Variants in DRC11 observed in about 807,000 individuals in gnomAD.
The protein encoded by DRC11 is dynein regulatory complex subunit 11, also known as IQ and AAA domain-containing protein 1.
chr2:236,320,818 C>T, the DRC11 span, among the ~76,000 whole-genome samples: 1,711 of 130,658 alleles, frequency 0.013, 31 homozygotes, highest in African/African-American at 0.038. Context: ...CTCCCTCCGC[C>T]GGTCCCTCCG....
At chr2:236,506,396 C>T in the DRC11 span, among the ~76,000 whole-genome samples, 2 of 152,230 alleles carry the variant, frequency 1.3e-5, no homozygotes, top group Non-Finnish European at 2.9e-5. The surrounding 1 kb of genome is among the most constrained non-coding windows in gnomAD (Gnocchi z 4.9). Flanking sequence ...CACGTGATGT[C>T]CAATGGGCAC....
At chr2:236,368,455 T>C in the DRC11 span, 1 of 590,180 alleles carries the variant, frequency 1.7e-6, no homozygotes, top group South Asian at 2.0e-5. Flanking sequence ...GAACACATCT[T>C]TTCTCAGATA....
the DRC11 span, among the ~76,000 whole-genome samples, chr2:236,322,396 G>A: frequency 0.019 from 2,820 of 146,852 alleles, 99 homozygotes; most frequent in African/African-American, 0.068. Flanking sequence ...CACCCCACCC[G>A]GCTAATTCTT....
At chr2:236,392,753 C>T in the DRC11 span, among the ~76,000 whole-genome samples, 1 of 152,062 alleles carries the variant, frequency 6.6e-6, no homozygotes, top group Non-Finnish European at 1.5e-5. The surrounding 1 kb of genome is among the most constrained non-coding windows in gnomAD (Gnocchi z 5.1). Context: ...CACTAAAATA[C>T]GAAAGATTTT....
At chr2:236,498,450 C>A in the DRC11 span, among the ~76,000 whole-genome samples, 1 of 144,740 alleles carries the variant, frequency 6.9e-6, no homozygotes, top group African/African-American at 2.7e-5. Context: ...GGCAACAGAG[C>A]GAGACTGTCT....
the DRC11 span, among the ~76,000 whole-genome samples, chr2:236,388,670 T>A: frequency 1.9e-3 from 294 of 150,820 alleles, no homozygotes; most frequent in African/African-American, 7.0e-3. Flanking sequence ...CTCGTCAAAG[T>A]CATTCTCCAT....
the DRC11 span, among the ~76,000 whole-genome samples, chr2:236,466,328 G>A: frequency 3.3e-5 from 5 of 151,982 alleles, no homozygotes; most frequent in Non-Finnish European, 5.9e-5. Context: ...ACAACCTCTC[G>A]TTTTATAATA....
At chr2:236,449,254 G>A in the DRC11 span, among the ~76,000 whole-genome samples, 554 of 152,286 alleles carry the variant, frequency 3.6e-3, 3 homozygotes, top group African/African-American at 0.012. The surrounding 1 kb of genome is among the most constrained non-coding windows in gnomAD (Gnocchi z 5.1). Context: ...CATTCTGAGC[G>A]AGAGAACTGG....
At chr2:236,429,193 T>A in the DRC11 span, among the ~76,000 whole-genome samples, 2 of 152,128 alleles carry the variant, frequency 1.3e-5, no homozygotes, top group Admixed American at 6.6e-5. The surrounding 1 kb of genome is among the most constrained non-coding windows in gnomAD (Gnocchi z 5.9). Flanking sequence ...GCTCCGAATC[T>A]GGGGGAGCGT....
the DRC11 span, among the ~76,000 whole-genome samples, chr2:236,395,253 G>A: frequency 6.6e-6 from 1 of 152,168 alleles, no homozygotes; most frequent in East Asian, 1.9e-4. Context: ...GACGACAAGA[G>A]GGGAGAAGAG....
the DRC11 span, among the ~76,000 whole-genome samples, chr2:236,504,198 G>C: frequency 6.9e-6 from 1 of 145,094 alleles, no homozygotes; most frequent in Non-Finnish European, 1.5e-5. The surrounding 1 kb of genome is among the most constrained non-coding windows in gnomAD (Gnocchi z 5.0). Context: ...TTACACGGCG[G>C]TGGGGGGGGG....
At chr2:236,507,107 T>G in the DRC11 span, 1 of 731,118 alleles carries the variant, frequency 1.4e-6, no homozygotes, top group Admixed American at 2.5e-5. Context: ...TATTTGAATT[T>G]CCTAAAAGGA....
At chr2:236,399,424 T>G in the DRC11 span, 4 of 1,613,862 alleles carry the variant, frequency 2.5e-6, no homozygotes, top group Non-Finnish European at 3.4e-6. This position sits in a 1 kb window ranked among gnomAD's most constrained non-coding sequence, Gnocchi z 7.0. Context: ...TTTGTATGCG[T>G]TACATCCTTC....
the DRC11 span, among the ~76,000 whole-genome samples, chr2:236,419,561 CA>C: frequency 6.6e-6 from 1 of 152,134 alleles, no homozygotes; most frequent in South Asian, 2.1e-4. The surrounding 1 kb of genome is among the most constrained non-coding windows in gnomAD (Gnocchi z 4.8). Flanking sequence ...CTGGAGGTTC[CA>C]CAAACTCTAG....
At chr2:236,452,374 T>C in the DRC11 span, among the ~76,000 whole-genome samples, 1 of 152,228 alleles carries the variant, frequency 6.6e-6, no homozygotes, top group East Asian at 1.9e-4. This position sits in a 1 kb window ranked among gnomAD's most constrained non-coding sequence, Gnocchi z 4.7. Context: ...TTTATCTGTG[T>C]TTCATCAAGT....
the DRC11 span, among the ~76,000 whole-genome samples, chr2:236,467,648 T>G: frequency 6.6e-6 from 1 of 152,170 alleles, no homozygotes. Flanking sequence ...CCAGGAATAC[T>G]AGGGAGCTCT....
At chr2:236,424,107 C>T in the DRC11 span, among the ~76,000 whole-genome samples, 6 of 151,064 alleles carry the variant, frequency 4.0e-5, no homozygotes, top group African/African-American at 1.2e-4. Flanking sequence ...TGCTAGATGA[C>T]GAGTTAGTGG....
the DRC11 span, among the ~76,000 whole-genome samples, chr2:236,403,769 C>T: frequency 6.6e-6 from 1 of 152,068 alleles, no homozygotes; most frequent in East Asian, 1.9e-4. Context: ...TCCTGAGCAG[C>T]TACTAAGGGT....
At chr2:236,431,699 CATA>C in the DRC11 span, among the ~76,000 whole-genome samples, 1 of 152,210 alleles carries the variant, frequency 6.6e-6, no homozygotes, top group Non-Finnish European at 1.5e-5. The surrounding 1 kb of genome is among the most constrained non-coding windows in gnomAD (Gnocchi z 4.2). Context: ...TTTCATGTTG[CATA>C]ATGTTTCAGT....
Sources: allele counts gnomAD v4.1 joint callset (sites outside exome capture counted in the v4.1 genomes callset), GRCh38; gene constraint gnomAD v4.1.1; non-coding constraint Gnocchi (gnomAD v3.1); transcripts MANE v1.5; gene names NCBI Gene and HGNC (gene_info 2026-07-23, HGNC 2026-07-21).